The following MYO9B variants were observed in gnomAD, a reference collection of about 807,000 sequenced individuals.
MYO9B encodes myosin IXB, also known as unconventional myosin-IXb.
A neutral mutation model predicts 229.5 loss-of-function variants in MYO9B; 71 were observed. That is an observed-to-expected ratio of 0.31 (90% CI 0.26 to 0.38). The LOEUF is 0.38. Ranked by LOEUF, MYO9B falls within the 10% of genes least tolerant of loss-of-function variation. The pLI is 1.00. For missense variants in MYO9B, 2,255 were observed against 2,920.5 expected (o/e 0.77, Z 5.25); for synonymous variants, 1,185 against 1,235.8 (o/e 0.96, Z 0.86).
Position 17,212,090 on chromosome 19 carries a change from C to A in MYO9B, c.6254C>A (p.Pro2085Gln), listed in dbSNP as rs55732173. The A allele has an allele frequency of 6.3e-7, 1 of 1,590,752 alleles. No individual in the cohort carries two copies. Among genetic ancestry groups the A allele is most frequent in the East Asian group, 2.3e-5 (1 of 44,050 alleles). Reference sequence around the variant, plus strand: ...CCCTCCCACCTGCCTCGCTGGGCACCGGGTGCCCGGGAGGCGGCTGCCCCA... The same window carrying A: ...CCCTCCCACCTGCCTCGCTGGGCACAGGGTGCCCGGGAGGCGGCTGCCCCA... ...GLPSHLPRWA[P>Q]GAREAAAPVR... Residue 2085 changes from proline (P) to glutamine (Q), a missense_variant, in exon 40 of 40, where the codon CCG becomes CAG. Pro to Gln is a moderately conservative substitution (Grantham distance 76, BLOSUM62 -1). Around this residue, in one of 7 missense-constraint regions of MYO9B, gnomAD observed 331 missense variants for 332.5 expected, o/e 1.00. Transcript: ENST00000682292. The surrounding 1 kb of genome is among the most constrained non-coding windows in gnomAD (Gnocchi z 5.4).
intron 2 of MYO9B, among the ~76,000 whole-genome samples, chr19:17,121,231 C>T (rs1168855382): frequency 6.6e-6 from 1 of 152,156 alleles, no homozygotes; most frequent in Non-Finnish European, 1.5e-5. Flanking sequence ...ACGTCAGCCA[C>T]GGCGCCTGGC....
At position 17,129,327 on chromosome 19, in the gene MYO9B, G is replaced by A. The variant is rs545498620; in HGVS notation, c.841-16070G>A. 5.3e-5 allele frequency among the ~76,000 whole-genome samples: 8 copies of A among 152,278 alleles called. No individual in the cohort carries two copies. The East Asian group carries it at 7.7e-4, about 15-fold the overall frequency. On this transcript the variant is annotated intron_variant, in intron 2 of 39. Coordinates refer to ENST00000682292, the MANE Select transcript of MYO9B (RefSeq NM_004145.4). The stretch of plus-strand genomic sequence containing the variant: ...TGAGACAGGAGAATCACTCGAGCCC[G>A]GGAGGTGGAGGCTGCAGTGAGCCAA...
At chr19:17,197,687 T>G in intron 22 of MYO9B, 105 bp from the exon 23 acceptor site, 1 of 1,327,918 alleles carries the variant, frequency 7.5e-7, no homozygotes, top group Non-Finnish European at 1.1e-6. Flanking sequence ...AAGTGTCCCC[T>G]GGCAGGGGCA....
intron 2 of MYO9B, among the ~76,000 whole-genome samples, chr19:17,141,053 G>A (rs1026106544): frequency 4.0e-5 from 6 of 150,384 alleles, no homozygotes; most frequent in Non-Finnish European, 7.4e-5. Context: ...GCAGTGAGCC[G>A]AGATCACACC....
At chr19:17,184,693 A>G (rs958264987) in intron 16 of MYO9B, 172 bp from the exon 17 acceptor site, 1 of 770,810 alleles carries the variant, frequency 1.3e-6, no homozygotes, top group Non-Finnish European at 2.0e-6. Flanking sequence ...AACCCACCTC[A>G]TTCCACTGGG....
At chr19:17,131,403 G>A (rs11667305) in intron 2 of MYO9B, among the ~76,000 whole-genome samples, 15,054 of 152,214 alleles carry the variant, frequency 0.099, 1,051 homozygotes, top group Non-Finnish European at 0.14. Context: ...CAAGTAGCTG[G>A]GACTACAGGC....
intron 2 of MYO9B, chr19:17,103,534 C>G: frequency 6.6e-6 from 1 of 152,562 alleles, no homozygotes; most frequent in East Asian, 1.9e-4. Context: ...GGGGCTGCCC[C>G]TTGTTGTCAG....
intron 2 of MYO9B, among the ~76,000 whole-genome samples, chr19:17,144,507 G>A (rs150128280): frequency 1.4e-3 from 219 of 151,800 alleles, no homozygotes; most frequent in Non-Finnish European, 2.4e-3. Flanking sequence ...TGAGACAGGC[G>A]GATCGCTTCA....
intron 20 of MYO9B, among the ~76,000 whole-genome samples, chr19:17,191,802 C>T (rs1545622): frequency 0.53 from 80,730 of 151,476 alleles, 23,426 homozygotes; most frequent in African/African-American, 0.74. Context: ...ATAGCGAGAC[C>T]CCATCTCTAT....
chr19:17,148,908 C>T (rs764156008), intron 3 of MYO9B, among the ~76,000 whole-genome samples: 1 of 151,988 alleles, frequency 6.6e-6, no homozygotes, highest in Non-Finnish European at 1.5e-5. Flanking sequence ...CATTTGTCAT[C>T]GGATTTAGGG....
chr19:17,160,271 CACCCAAG>C (rs1003423279), intron 8 of MYO9B, among the ~76,000 whole-genome samples: 3 of 152,250 alleles, frequency 2.0e-5, no homozygotes, highest in Non-Finnish European at 2.9e-5. Context: ...TGCTGCATAT[CACCCAAG>C]ACCCGAGCAG....
chr19:17,149,594 C>T (rs1402185412), intron 3 of MYO9B, among the ~76,000 whole-genome samples: 3 of 152,212 alleles, frequency 2.0e-5, no homozygotes, highest in Admixed American at 2.0e-4. Context: ...AGAATGGCCG[C>T]AGCGATCACA....
intron 10 of MYO9B, among the ~76,000 whole-genome samples, chr19:17,167,473 A>ATTTTTTT (rs36062777): frequency 8.5e-6 from 1 of 117,394 alleles, no homozygotes; most frequent in African/African-American, 3.3e-5. Flanking sequence ...TATTAGAGCT[A>ATTTTTTT]TTTTTTTTTT....
intron 28 of MYO9B, among the ~76,000 whole-genome samples, 189 bp downstream of exon 28, chr19:17,202,492 C>T (rs770241921): frequency 6.6e-6 from 1 of 151,630 alleles, no homozygotes; most frequent in Non-Finnish European, 1.5e-5. Context: ...ACCATGATCA[C>T]TTATGCCACA....
chr19:17,123,631 G>T (rs1056583338), intron 2 of MYO9B, among the ~76,000 whole-genome samples: 4 of 151,936 alleles, frequency 2.6e-5, no homozygotes, highest in Non-Finnish European at 4.4e-5. Context: ...AGTAGAGACG[G>T]GTCTTGAACT....
intron 1 of MYO9B, among the ~76,000 whole-genome samples, chr19:17,087,153 C>G (rs190192092): frequency 1.3e-5 from 2 of 152,318 alleles, no homozygotes; most frequent in Admixed American, 1.3e-4. Context: ...GCAGCCTCCT[C>G]TGAAACATCA....
At chr19:17,130,113 C>CTAAAATG (rs995790407) in intron 2 of MYO9B, among the ~76,000 whole-genome samples, 2 of 152,180 alleles carry the variant, frequency 1.3e-5, no homozygotes, top group African/African-American at 4.8e-5. Flanking sequence ...AGCCACCTGC[C>CTAAAATG]TGGCCTCCCT....
chr19:17,188,625 C>T (rs1019347187), intron 19 of MYO9B, among the ~76,000 whole-genome samples: 7 of 152,066 alleles, frequency 4.6e-5, no homozygotes, highest in South Asian at 4.1e-4. Flanking sequence ...TAATCCTATG[C>T]GGATAAGAAA....
chr19:17,129,061 G>A (rs968554450), intron 2 of MYO9B, among the ~76,000 whole-genome samples: 1 of 152,158 alleles, frequency 6.6e-6, no homozygotes, highest in African/African-American at 2.4e-5. Context: ...TGAGCAGGGG[G>A]GTGGAGGCTT....
Sources: allele counts gnomAD v4.1 joint callset (sites outside exome capture counted in the v4.1 genomes callset), GRCh38; gene constraint gnomAD v4.1.1; regional missense constraint gnomAD v4.1.1; non-coding constraint Gnocchi (gnomAD v3.1); transcripts MANE v1.5; gene names NCBI Gene and HGNC (gene_info 2026-07-23, HGNC 2026-07-21).